Variants in DPP10 observed in about 807,000 individuals in gnomAD.
DPP10 encodes inactive dipeptidyl peptidase 10.
DPP10 carries 33 observed loss-of-function variants against 120.9 expected under a neutral mutation model. That is an observed-to-expected ratio of 0.27 (90% CI 0.21 to 0.37). DPP10 has a LOEUF of 0.37. DPP10 is among the 10% of genes least tolerant of loss of function. The pLI, the probability that DPP10 is intolerant of heterozygous loss-of-function variation, is 1.00. For missense variants in DPP10, 816 were observed against 942.8 expected (o/e 0.87, Z 1.76); for synonymous variants, 337 against 326.1 (o/e 1.03, Z -0.36).
intron 3 of DPP10, among the ~76,000 whole-genome samples, chr2:115,380,355 T>C (rs1372379250): frequency 1.3e-5 from 2 of 152,326 alleles, no homozygotes; most frequent in East Asian, 3.9e-4. Flanking sequence ...GTATGTTTTA[T>C]CAGAGACTAG....
intron 1 of DPP10, among the ~76,000 whole-genome samples, chr2:114,475,469 TTCTC>T (rs1190099691): frequency 1.3e-5 from 2 of 151,764 alleles, no homozygotes; most frequent in Non-Finnish European, 2.9e-5. Context: ...TAGACTGGTT[TTCTC>T]TCTCTCTCTG....
At chr2:115,337,648 G>A (rs1181733016) in intron 2 of DPP10, among the ~76,000 whole-genome samples, 2 of 140,630 alleles carry the variant, frequency 1.4e-5, no homozygotes, top group African/African-American at 5.3e-5. Context: ...ATGAGACAGG[G>A]GGAGGCTGCT....
chr2:115,117,463 T>C (rs2049576728), intron 1 of DPP10, among the ~76,000 whole-genome samples: 1 of 152,192 alleles, frequency 6.6e-6, no homozygotes, highest in Non-Finnish European at 1.5e-5. Context: ...ATCTATTTAG[T>C]TGAGTGTGAT....
chr2:114,554,065 A>G (rs1025560631), intron 1 of DPP10, among the ~76,000 whole-genome samples: 1 of 152,206 alleles, frequency 6.6e-6, no homozygotes, highest in Admixed American at 6.5e-5. Context: ...ACAACTTTTC[A>G]TAGGAGAGTT....
intron 21 of DPP10, among the ~76,000 whole-genome samples, chr2:115,827,412 G>A (rs12621968): frequency 0.082 from 6,666 of 81,550 alleles, 219 homozygotes; most frequent in Non-Finnish European, 0.095. Context: ...GTATGTGTGT[G>A]TGTATATATA....
At chr2:115,354,386 G>A (rs908216392) in intron 3 of DPP10, among the ~76,000 whole-genome samples, 7 of 151,838 alleles carry the variant, frequency 4.6e-5, no homozygotes, top group Admixed American at 6.6e-5. Context: ...TATGTCTATG[G>A]GTACCCAATG....
chr2:115,216,931 A>G (rs548246284), intron 1 of DPP10, among the ~76,000 whole-genome samples: 67 of 152,060 alleles, frequency 4.4e-4, no homozygotes, highest in African/African-American at 1.5e-3. Flanking sequence ...ATGTCTATGT[A>G]TATTTGTCTA....
chr2:115,615,966 A>G (rs1024418124), intron 5 of DPP10, among the ~76,000 whole-genome samples: 4 of 152,190 alleles, frequency 2.6e-5, no homozygotes, highest in Admixed American at 1.3e-4. Flanking sequence ...GTATTTTATC[A>G]CTAATACAGA....
chr2:115,075,761 C>G (rs770759023), intron 1 of DPP10, among the ~76,000 whole-genome samples: 2 of 150,456 alleles, frequency 1.3e-5, no homozygotes, highest in Non-Finnish European at 3.0e-5. Context: ...GAGAAAACAC[C>G]TGCTTTTTAA....
At chr2:115,631,621 C>T (rs1014689003) in intron 5 of DPP10, among the ~76,000 whole-genome samples, 1 of 152,134 alleles carries the variant, frequency 6.6e-6, no homozygotes, top group Non-Finnish European at 1.5e-5. Context: ...TCTTTGTTCT[C>T]ATTGGTTTCA....
chr2:114,778,764 G>C (rs1308414921), intron 1 of DPP10, among the ~76,000 whole-genome samples: 1 of 152,034 alleles, frequency 6.6e-6, no homozygotes, highest in Non-Finnish European at 1.5e-5. Context: ...AAGGAAGCCA[G>C]AAAATGTAGT....
intron 1 of DPP10, among the ~76,000 whole-genome samples, chr2:114,957,268 A>T (rs572236380): frequency 6.6e-6 from 1 of 152,024 alleles, no homozygotes; most frequent in East Asian, 1.9e-4. Flanking sequence ...TGGGCAAGGG[A>T]TCTGAACAGA....
chr2:115,615,677 A>C (rs536584570), intron 5 of DPP10, among the ~76,000 whole-genome samples: 14 of 152,308 alleles, frequency 9.2e-5, no homozygotes, highest in Non-Finnish European at 1.8e-4. Flanking sequence ...GGTAAGTCAT[A>C]TCTGTTTAAT....
At chr2:115,274,360 C>G (rs1271498323) in intron 1 of DPP10, among the ~76,000 whole-genome samples, 1 of 151,796 alleles carries the variant, frequency 6.6e-6, no homozygotes, top group African/African-American at 2.4e-5. Flanking sequence ...GACATTAAAA[C>G]TATTACATTG....
intron 1 of DPP10, among the ~76,000 whole-genome samples, chr2:114,783,878 C>T (rs898532835): frequency 3.3e-5 from 5 of 152,152 alleles, no homozygotes; most frequent in Non-Finnish European, 7.4e-5. Flanking sequence ...CTACCTCTTG[C>T]TCTAGTCACT....
intron 1 of DPP10, among the ~76,000 whole-genome samples, chr2:114,447,453 T>A (rs1678008687): frequency 6.6e-6 from 1 of 152,158 alleles, no homozygotes; most frequent in South Asian, 2.1e-4. Context: ...GCAAGGAATG[T>A]TTAATAACAA....
chr2:115,174,997 C>T (rs2053598920), intron 1 of DPP10, among the ~76,000 whole-genome samples: 1 of 152,146 alleles, frequency 6.6e-6, no homozygotes, highest in African/African-American at 2.4e-5. Context: ...GATAATTGCA[C>T]ACAAGGAAGT....
chr2:115,378,191 A>G (rs1464572633), intron 3 of DPP10, among the ~76,000 whole-genome samples: 1 of 152,072 alleles, frequency 6.6e-6, no homozygotes, highest in East Asian at 1.9e-4. Flanking sequence ...ATGAGCATGG[A>G]ATGTCCTTCC....
rs75075397 is a variant in DPP10, at chr2:115,169,118, A to T, written c.61-140121A>T. On this transcript the variant is annotated intron_variant, in intron 1 of 25. Transcript: ENST00000410059. ...AGAGGCAACGTGATGTAAGACTGAG[A>T]ACAAGGTCAAACAGATTTCAGATTG... Among the ~76,000 whole-genome samples, 433 of 152,304 alleles carry T rather than the reference A, an allele frequency of 2.8e-3. 4 individuals are homozygous for T. In the Middle Eastern group the frequency reaches 0.031, roughly 11 times the overall value.
Sources: allele counts gnomAD v4.1 joint callset (sites outside exome capture counted in the v4.1 genomes callset), GRCh38; gene constraint gnomAD v4.1.1; transcripts MANE v1.5; gene names NCBI Gene and HGNC (gene_info 2026-07-23, HGNC 2026-07-21).